GPC3: variants seen among roughly 807,000 people sequenced by gnomAD.
GPC3 encodes glypican-3.
GPC3 carries 3 observed loss-of-function variants against 34.4 expected under a neutral mutation model. The ratio of observed to expected loss-of-function variants is 0.09; its 90% CI spans 0.04 to 0.23. The LOEUF (loss-of-function observed/expected upper bound fraction) is 0.23. Ranked by LOEUF, GPC3 falls within the 10% of genes least tolerant of loss-of-function variation. The pLI is 1.00. For synonymous variants in GPC3, 177 were observed against 174.0 expected, an observed-to-expected ratio of 1.02 and a Z score of -0.13; for missense variants, 351 against 445.6, an observed-to-expected ratio of 0.79 and a Z score of 1.91.
chrX:133,652,403 T>C lies in GPC3; in HGVS notation c.1413+9327A>G, dbSNP rs750382801. Among the ~76,000 whole-genome samples the C allele has an allele frequency of 2.7e-5, 3 of 111,159 alleles. No individual in the cohort carries two copies. In the South Asian group the frequency reaches 1.2e-3, roughly 43 times the overall value. ...AGTGATGACTTAGCAAAATAGGGAC[T>C]ATGAAAAAAATATCTAGATCAACTT... On this transcript the variant is annotated intron_variant, in intron 6 of 7. Transcript: ENST00000370818.
chrX:133,562,913 A>G (rs1401438590), intron 7 of GPC3, among the ~76,000 whole-genome samples: 4 of 111,376 alleles, frequency 3.6e-5, no homozygotes, highest in Admixed American at 9.6e-5. Context: ...TTTTGTTGCT[A>G]ATCTGCAAAA....
At chrX:133,543,000 C>G (rs190438602) in intron 7 of GPC3, among the ~76,000 whole-genome samples, 52 of 112,171 alleles carry the variant, frequency 4.6e-4, no homozygotes, top group African/African-American at 1.7e-3. Context: ...TCAAATGACC[C>G]TTGGGTCTCT....
In GPC3 at chrX:133,667,872, C is replaced by A. The variant is rs190459300; in HGVS notation, c.1293-6022G>T. On this transcript the variant is annotated intron_variant, in intron 5 of 7. Transcript: ENST00000370818. ...ACCTTCTCTCTCTTGCTCTCTCTCTCTATATATGTATATGTATATATATTT... is the reference window on the plus strand; with the variant it reads ...ACCTTCTCTCTCTTGCTCTCTCTCTATATATATGTATATGTATATATATTT... Among the ~76,000 whole-genome samples, 304 of 107,149 alleles carry A rather than the reference C, an allele frequency of 2.8e-3. 1 individual carries two copies. Among genetic ancestry groups the A allele is most frequent in the African/African-American group, 7.5e-3 (223 of 29,716 alleles). The allele number at this position is 107,149 out of a possible 115,157, so 93.0% of individuals were successfully genotyped here. A position where few individuals can be genotyped will look rare whatever the true frequency, so the allele number is the denominator to read the frequency against.
intron 2 of GPC3, among the ~76,000 whole-genome samples, chrX:133,764,448 T>C (rs1427030100): frequency 2.7e-5 from 3 of 111,894 alleles, no homozygotes; most frequent in Non-Finnish European, 3.8e-5. Flanking sequence ...AATCTATGTA[T>C]ATGACCCTTC....
chrX:133,648,096 T>A, intron 6 of GPC3, among the ~76,000 whole-genome samples: 1 of 112,007 alleles, frequency 8.9e-6, no homozygotes. Flanking sequence ...CTCTCCTATG[T>A]CCTGGCTAAT....
intron 1 of GPC3, among the ~76,000 whole-genome samples, chrX:133,967,340 A>C (rs2076468287): frequency 8.9e-6 from 1 of 111,912 alleles, no homozygotes; most frequent in South Asian, 3.8e-4. Flanking sequence ...TTCCATTCCT[A>C]TGATTTTAGT....
intron 7 of GPC3, among the ~76,000 whole-genome samples, chrX:133,551,582 C>G (rs1412437069): frequency 8.9e-6 from 1 of 111,753 alleles, no homozygotes; most frequent in Non-Finnish European, 1.9e-5. Context: ...CTCTTTTCCA[C>G]AGCTGTAGGC....
At chrX:133,807,619 G>A (rs1242808666) in intron 2 of GPC3, among the ~76,000 whole-genome samples, 1 of 111,801 alleles carries the variant, frequency 8.9e-6, no homozygotes, top group African/African-American at 3.3e-5. Context: ...TTCTAGACTA[G>A]AAAAGGCTGG....
At chrX:133,692,226 T>G in intron 5 of GPC3, 143 bp downstream of exon 5, 13 of 638,428 alleles carry the variant, frequency 2.0e-5, no homozygotes, top group East Asian at 3.7e-5. Flanking sequence ...ATTACAGGCA[T>G]GAGCCACCGC....
chrX:133,606,718 C>T (rs762492424), intron 6 of GPC3, among the ~76,000 whole-genome samples: 1 of 111,429 alleles, frequency 9.0e-6, no homozygotes, highest in South Asian at 3.8e-4. Context: ...GTCACTGTGC[C>T]CAGCCAACAA....
intron 1 of GPC3, among the ~76,000 whole-genome samples, chrX:133,964,878 A>G (rs1231347339): frequency 1.8e-5 from 2 of 111,673 alleles, no homozygotes; most frequent in Non-Finnish European, 3.8e-5. Context: ...ATGAGTTAAC[A>G]GTAGTTGCCA....
intron 2 of GPC3, among the ~76,000 whole-genome samples, chrX:133,778,429 G>T (rs971730289): frequency 3.6e-5 from 4 of 111,806 alleles, no homozygotes; most frequent in Non-Finnish European, 7.5e-5. Flanking sequence ...TTCTTACAAA[G>T]AATTTTTTCC....
intron 3 of GPC3, among the ~76,000 whole-genome samples, chrX:133,712,024 AT>A (rs2071273767): frequency 8.9e-6 from 1 of 112,357 alleles, no homozygotes; most frequent in Non-Finnish European, 1.9e-5. Flanking sequence ...TAAATTTTAA[AT>A]TTTTTCTGTA....
intron 7 of GPC3, among the ~76,000 whole-genome samples, chrX:133,567,352 C>T (rs1409699090): frequency 8.9e-6 from 1 of 112,255 alleles, no homozygotes; most frequent in Non-Finnish European, 1.9e-5. Flanking sequence ...GAGTAATGTC[C>T]CACACGTTTT....
At chrX:133,554,002 T>TC (rs2069461071) in intron 7 of GPC3, among the ~76,000 whole-genome samples, 1 of 106,989 alleles carries the variant, frequency 9.3e-6, no homozygotes, top group African/African-American at 3.5e-5. Flanking sequence ...ACTATCCTCT[T>TC]TCTCTCTCTC....
In GPC3 at chrX:133,874,770, T is replaced by A. The variant is rs983137295; in HGVS notation, c.337+78280A>T. ...ACTCACCCATAGTCAAATGTAAATA[T>A]AAACAGGCTTTCCAACTCACATATA... is the stretch of plus-strand genomic sequence containing the variant. On this transcript the variant is annotated intron_variant, in intron 2 of 7. Transcript: ENST00000370818. Among the ~76,000 whole-genome samples, 3 of 112,214 alleles carry A rather than the reference T, an allele frequency of 2.7e-5. No individual in the cohort carries two copies. The Admixed American group carries it at 2.8e-4, about 11-fold the overall frequency.
chrX:133,880,500 C>G (rs1333846552), intron 2 of GPC3, among the ~76,000 whole-genome samples: 1 of 111,888 alleles, frequency 8.9e-6, no homozygotes, highest in Non-Finnish European at 1.9e-5. Context: ...GAGATTACAA[C>G]CACCACTTTG....
Position 133,775,215 on chromosome X carries a change from G to A in GPC3, c.338-21039C>T, listed in dbSNP as rs762669157. On this transcript the variant is annotated intron_variant, in intron 2 of 7. Transcript: ENST00000370818. The stretch of plus-strand genomic sequence containing the variant: ...AACATGAGTTAACTTTTGGCAATTT[G>A]CTGCCAGCGTGTTTTTTTTTTTTTA... 2.7e-5 allele frequency among the ~76,000 whole-genome samples: 3 copies of A among 109,172 alleles called. No homozygotes were observed. The East Asian group carries it at 8.5e-4, about 31-fold the overall frequency. The allele number at this position is 109,172 out of a possible 115,157, so 94.8% of individuals were successfully genotyped here. A position where few individuals can be genotyped will look rare whatever the true frequency, so the allele number is the denominator to read the frequency against.
At position 133,753,675 on chromosome X, in the gene GPC3, A is replaced by G. The variant is rs764111452; in HGVS notation, c.839T>C (p.Val280Ala). 1.7e-6 allele frequency: 2 copies of G among 1,211,137 alleles called. No individual in the cohort carries two copies. The highest frequency in any genetic ancestry group is 2.2e-6 in the Non-Finnish European group (2 of 894,790). ...ACCTGCCATACAGCCTTGCATGACCACATTGCAGTAACCGCCACAGGGTTT... is the reference window on the plus strand; with the variant it reads ...ACCTGCCATACAGCCTTGCATGACCGCATTGCAGTAACCGCCACAGGGTTT... ...MVKPCGGYCN[V>A]VMQGCMAGVV... The change falls in exon 3 of 8, where the codon GTG becomes GCG. Residue 280 changes from valine (V) to alanine (A), a missense_variant. Physicochemically the swap from Val to Ala is moderately conservative, Grantham distance 64 (BLOSUM62 0). Coordinates refer to ENST00000370818, the MANE Select transcript of GPC3 (RefSeq NM_004484.4).
Sources: gnomAD v4.1 joint callset for allele counts (sites outside exome capture counted in the v4.1 genomes callset) on GRCh38, gnomAD v4.1.1 for gene constraint, MANE v1.5 for transcripts, NCBI Gene and HGNC (gene_info 2026-07-23, HGNC 2026-07-21) for gene names.